STPG2: variants seen among roughly 807,000 people sequenced by gnomAD.
STPG2 encodes sperm-tail PG-rich repeat-containing protein 2.
A neutral mutation model predicts 54.2 loss-of-function variants in STPG2; 56 were observed. That is an observed-to-expected ratio of 1.03 (90% CI 0.83 to 1.29). The LOEUF (loss-of-function observed/expected upper bound fraction) is 1.29. Among genes scored for constraint, STPG2 ranks in the 50% most tolerant of loss-of-function variants. STPG2 has a pLI of 0.00. For synonymous variants in STPG2, 200 were observed against 181.8 expected, an observed-to-expected ratio of 1.10 and a Z score of -0.81; for missense variants, 596 against 544.9, an observed-to-expected ratio of 1.09 and a Z score of -0.93.
intron 10 of STPG2, among the ~76,000 whole-genome samples, chr4:97,565,062 C>G (rs975249505): frequency 6.6e-6 from 1 of 152,194 alleles, no homozygotes; most frequent in Non-Finnish European, 1.5e-5. Context: ...CCTTCACTTT[C>G]AGGTACACCA....
intron 10 of STPG2, among the ~76,000 whole-genome samples, chr4:97,692,008 T>C (rs902720902): frequency 3.9e-5 from 6 of 152,130 alleles, no homozygotes; most frequent in Admixed American, 3.9e-4. Context: ...GAGCACCCTA[T>C]GGGACAAAAA....
chr4:97,781,852 T>G (rs1208401005), intron 9 of STPG2, among the ~76,000 whole-genome samples: 1 of 152,204 alleles, frequency 6.6e-6, no homozygotes, highest in Non-Finnish European at 1.5e-5. Context: ...TCTCAATAGA[T>G]GCAGAAGAGG....
In STPG2 at chr4:97,972,430, A is replaced by G. The variant is rs758376456; in HGVS notation, c.783T>C (p.Phe261=). Residue 261 remains phenylalanine, a synonymous_variant, in exon 7 of 11, where the codon TTT becomes TTC. Transcript: ENST00000295268. The part of the protein sequence containing the change: ...IRTEEMPGPG[F]YNVLNNTIIA... The stretch of plus-strand genomic sequence containing the variant: ...TTATAGTATTGTTCAAGACATTATA[A>G]AATCCAGGACCTAAAATTATTAGAA... The G allele has an allele frequency of 1.9e-6, 3 of 1,543,068 alleles. No homozygotes were observed. Among genetic ancestry groups the G allele is most frequent in the Non-Finnish European group, 2.6e-6 (3 of 1,141,096 alleles).
intron 9 of STPG2, among the ~76,000 whole-genome samples, chr4:97,802,875 T>C (rs1307910576): frequency 2.6e-5 from 4 of 152,176 alleles, no homozygotes; most frequent in African/African-American, 9.7e-5. Flanking sequence ...AGTAATATAT[T>C]TGAAGTAAAA....
intron 9 of STPG2, among the ~76,000 whole-genome samples, chr4:97,738,123 T>A (rs1434693192): frequency 6.6e-6 from 1 of 152,002 alleles, no homozygotes; most frequent in Non-Finnish European, 1.5e-5. Context: ...ACTTCATAAG[T>A]GAAGGAGAAA....
chr4:97,962,393 A>G lies in STPG2; in HGVS notation c.933+9887T>C, dbSNP rs189304725. 2.6e-3 allele frequency among the ~76,000 whole-genome samples: 390 copies of G among 152,316 alleles called. 3 individuals carry two copies. Among genetic ancestry groups the G allele is most frequent in the African/African-American group, 8.8e-3 (366 of 41,574 alleles). On this transcript the variant is annotated intron_variant, in intron 7 of 10. Coordinates refer to ENST00000295268, the MANE Select transcript of STPG2 (RefSeq NM_174952.3). Reference sequence around the variant, plus strand: ...AATTAAGTGGCAAAACAAATGGACCAATACAATACATAAAATAGTGTAATA... The same window carrying G: ...AATTAAGTGGCAAAACAAATGGACCGATACAATACATAAAATAGTGTAATA...
At chr4:97,847,776 T>C (rs1053506583) in intron 8 of STPG2, among the ~76,000 whole-genome samples, 1 of 152,062 alleles carries the variant, frequency 6.6e-6, no homozygotes, top group Admixed American at 6.6e-5. Flanking sequence ...CCTCATTGAC[T>C]TACAAAAATT....
At chr4:97,725,980 T>C (rs1724611801) in intron 9 of STPG2, among the ~76,000 whole-genome samples, 2 of 151,934 alleles carry the variant, frequency 1.3e-5, no homozygotes, top group Middle Eastern at 3.4e-3. Flanking sequence ...AACCAGATTC[T>C]AGAAGACAAT....
intron 4 of STPG2, among the ~76,000 whole-genome samples, chr4:97,551,004 C>T (rs1040895701): frequency 1.4e-5 from 2 of 144,138 alleles, no homozygotes; most frequent in Admixed American, 6.7e-5. Context: ...ACCTTCCACA[C>T]GTGGAAGGGG....
intron 3 of STPG2, among the ~76,000 whole-genome samples, chr4:98,115,969 C>T (rs62318907): frequency 0.39 from 59,746 of 151,400 alleles, 11,983 homozygotes; most frequent in Middle Eastern, 0.46. Flanking sequence ...CAGAAAACTA[C>T]GTTTTTATAT....
chr4:97,636,037 C>T (rs548685724), intron 10 of STPG2, among the ~76,000 whole-genome samples: 505 of 152,224 alleles, frequency 3.3e-3, no homozygotes, highest in Non-Finnish European at 5.5e-3. Context: ...ACAGAATATA[C>T]ATTTTTTTCA....
rs1336080812 is a variant in STPG2, at chr4:98,030,538, A to C, written c.613-49220T>G. Among the ~76,000 whole-genome samples, 2 of 152,188 alleles carry C rather than the reference A, an allele frequency of 1.3e-5. 1 individual carries two copies. Among genetic ancestry groups the C allele is most frequent in the South Asian group, 4.1e-4 (2 of 4,830 alleles). On this transcript the variant is annotated intron_variant, in intron 5 of 10. Coordinates refer to ENST00000295268, the MANE Select transcript of STPG2 (RefSeq NM_174952.3). ...TTCTTCAGAGAACTAGGGAAAACTA[A>C]AATTCAGATGGAACCAGAAAAGAGC... is the stretch of plus-strand genomic sequence containing the variant.
intron 4 of STPG2, among the ~76,000 whole-genome samples, chr4:97,488,669 A>C (rs1560630053): frequency 6.6e-6 from 1 of 151,720 alleles, no homozygotes; most frequent in Admixed American, 6.6e-5. Context: ...CTGGCTTCCA[A>C]GATCTCTGGC....
intron 10 of STPG2, among the ~76,000 whole-genome samples, chr4:97,681,219 A>G (rs1723024143): frequency 6.6e-6 from 1 of 151,910 alleles, no homozygotes; most frequent in Non-Finnish European, 1.5e-5. Context: ...CTTAAATATA[A>G]AATACAAATT....
intron 10 of STPG2, among the ~76,000 whole-genome samples, chr4:97,652,084 CTAG>C (rs1183311450): frequency 1.3e-5 from 2 of 151,908 alleles, no homozygotes; most frequent in East Asian, 3.9e-4. Context: ...GATAGTAATA[CTAG>C]TATCAAAAAT....
chr4:97,444,212 G>T (rs1729161265), intron 4 of STPG2, among the ~76,000 whole-genome samples: 1 of 152,040 alleles, frequency 6.6e-6, no homozygotes. Flanking sequence ...AGAGAAGAGA[G>T]AAATGTTAAA....
At chr4:97,928,379 T>A (rs1001292075) in intron 8 of STPG2, among the ~76,000 whole-genome samples, 4 of 152,194 alleles carry the variant, frequency 2.6e-5, no homozygotes, top group Non-Finnish European at 4.4e-5. Flanking sequence ...TGTAGAAGTT[T>A]TGTTATTTTC....
At chr4:97,841,801 T>C (rs1184580232) in intron 8 of STPG2, among the ~76,000 whole-genome samples, 1 of 151,662 alleles carries the variant, frequency 6.6e-6, no homozygotes, top group Non-Finnish European at 1.5e-5. Context: ...AGTTTTTGCA[T>C]GTGAAAAGTG....
chr4:97,796,145 T>A (rs1429396892), intron 9 of STPG2, among the ~76,000 whole-genome samples: 1 of 152,232 alleles, frequency 6.6e-6, no homozygotes, highest in East Asian at 1.9e-4. Context: ...TCCCATTCTG[T>A]AGGTTGCCTG....
Sources: allele counts gnomAD v4.1 joint callset (sites outside exome capture counted in the v4.1 genomes callset), GRCh38; gene constraint gnomAD v4.1.1; transcripts MANE v1.5; gene names NCBI Gene and HGNC (gene_info 2026-07-23, HGNC 2026-07-21).